TULP4: variants seen among roughly 807,000 people sequenced by gnomAD.
The protein encoded by TULP4 is TUB like protein 4, also known as tubby-related protein 4.
In TULP4, 16 loss-of-function variants were observed where a neutral mutation model predicts 129.0. The ratio of observed to expected loss-of-function variants is 0.12; its 90% CI spans 0.08 to 0.19. The LOEUF is 0.19. Ranked by LOEUF, TULP4 falls within the 10% of genes least tolerant of loss-of-function variation. The pLI, the probability that TULP4 is intolerant of heterozygous loss-of-function variation, is 1.00. For synonymous variants in TULP4, 998 were observed against 854.0 expected (o/e 1.17, Z -2.94); for missense variants, 1,842 against 2,059.1 (o/e 0.89, Z 2.04).
chr6:158,332,180 AAAAAAAAAAAAAAAAAAAAAATATAT>A lies in TULP4; in HGVS notation c.252+17914_252+17939del, dbSNP rs1344247071. Among the ~76,000 whole-genome samples, 240 of 87,842 alleles carry A rather than the reference AAAAAAAAAAAAAAAAAAAAAATATAT, an allele frequency of 2.7e-3. 3 individuals are homozygous for A. The highest frequency in any genetic ancestry group is 0.012 in the Middle Eastern group (2 of 170). The allele number at this position is 87,842 out of a possible 152,430, so 57.6% of individuals were successfully genotyped here. A position where few individuals can be genotyped will look rare whatever the true frequency, so the allele number is the denominator to read the frequency against. On this transcript the variant is annotated intron_variant, in intron 1 of 13. Coordinates refer to ENST00000367097, the MANE Select transcript of TULP4 (RefSeq NM_020245.5). ...GAGTAAGACTCTGTCAAAAAAAAAA[AAAAAAAAAAAAAAAAAAAAAATATAT>A]ATATATATATATATATATATATAAA...
intron 4 of TULP4, among the ~76,000 whole-genome samples, chr6:158,450,926 A>ATGG (rs1779150882): frequency 2.0e-5 from 3 of 152,090 alleles, no homozygotes; most frequent in Admixed American, 2.0e-4. Context: ...TTAGCCAAGC[A>ATGG]TGGTGGTGGG....
intron 1 of TULP4, among the ~76,000 whole-genome samples, chr6:158,317,465 C>T (rs1779517293): frequency 2.0e-5 from 3 of 148,644 alleles, no homozygotes; most frequent in East Asian, 4.0e-4. Context: ...TGGTTTCCAG[C>T]TTCATTCATG....
At chr6:158,240,707 C>T (rs1436075429) in intron 1 of TULP4, among the ~76,000 whole-genome samples, 2 of 125,030 alleles carry the variant, frequency 1.6e-5, no homozygotes, top group East Asian at 5.9e-4. Flanking sequence ...CTGACCCCCC[C>T]CACCTCCCTC....
intron 1 of TULP4, among the ~76,000 whole-genome samples, chr6:158,361,312 G>T (rs774794253): frequency 2.0e-4 from 30 of 152,176 alleles, no homozygotes; most frequent in Non-Finnish European, 4.1e-4. Flanking sequence ...AGTACCTCCA[G>T]ACCCACTGAT....
intron 1 of TULP4, among the ~76,000 whole-genome samples, chr6:158,253,126 C>CT (rs1380277883): frequency 1.3e-5 from 2 of 152,210 alleles, no homozygotes; most frequent in Non-Finnish European, 2.9e-5. Flanking sequence ...TCTTAATTCC[C>CT]TAAGATGTTT....
chr6:158,249,062 G>A (rs1583674198), intron 1 of TULP4, among the ~76,000 whole-genome samples: 1 of 148,328 alleles, frequency 6.7e-6, no homozygotes, highest in South Asian at 2.1e-4. Context: ...GGAGGTCAAG[G>A]CTGGGTGACA....
At chr6:158,421,796 G>A (rs1012200617) in intron 2 of TULP4, among the ~76,000 whole-genome samples, 4 of 152,074 alleles carry the variant, frequency 2.6e-5, no homozygotes, top group Non-Finnish European at 5.9e-5. Flanking sequence ...GTAATGTTAC[G>A]CCAGAGTGAG....
At chr6:158,333,895 A>G (rs1019101710) in intron 1 of TULP4, among the ~76,000 whole-genome samples, 2 of 152,202 alleles carry the variant, frequency 1.3e-5, no homozygotes, top group African/African-American at 4.8e-5. Context: ...GGAAATACAG[A>G]CAAACATAAA....
In TULP4 at chr6:158,502,810, C is replaced by G. The variant is rs371155122; in HGVS notation, c.3147C>G (p.Pro1049=). The stretch of plus-strand genomic sequence containing the variant: ...GTGGCACAGGGCCCAGCTCACAGCC[C>G]GGAGCCTCCCTGGCCCATACCGCCA... ...QCSGTGPSSQ[P]GASLAHTASA... The change falls in exon 13 of 14, where the codon CCC becomes CCG. Residue 1049 remains proline (P), a synonymous_variant. Transcript: ENST00000367097. 28 of 1,611,760 alleles carry G rather than the reference C, an allele frequency of 1.7e-5. No homozygotes were observed. Among genetic ancestry groups the G allele is most frequent in the Non-Finnish European group, 2.2e-5 (26 of 1,179,814 alleles).
chr6:158,327,231 AC>A (rs1181707459), intron 1 of TULP4, among the ~76,000 whole-genome samples: 1 of 152,218 alleles, frequency 6.6e-6, no homozygotes, highest in East Asian at 1.9e-4. Context: ...GACCTAAAAA[AC>A]ATTCAAAAGT....
upstream of TULP4, among the ~76,000 whole-genome samples, chr6:158,307,754 T>A (rs546629470): frequency 6.8e-4 from 104 of 152,328 alleles, no homozygotes; most frequent in African/African-American, 2.4e-3. Context: ...GTCTTGTACC[T>A]TGAATGGATC....
chr6:158,439,787 C>A (rs1329551792), intron 3 of TULP4, among the ~76,000 whole-genome samples: 2 of 133,660 alleles, frequency 1.5e-5, no homozygotes, highest in Non-Finnish European at 1.5e-5. Flanking sequence ...TCTCGGCTCA[C>A]TGCAAGCTCC....
intron 1 of TULP4, among the ~76,000 whole-genome samples, chr6:158,381,650 G>A (rs186365954): frequency 3.5e-4 from 54 of 152,298 alleles, no homozygotes; most frequent in African/African-American, 1.3e-3. Flanking sequence ...GTTTTAGAGT[G>A]TGGAGGAGAA....
At chr6:158,328,756 GT>G (rs1218635000) in intron 1 of TULP4, among the ~76,000 whole-genome samples, 1 of 65,944 alleles carries the variant, frequency 1.5e-5, no homozygotes, top group Non-Finnish European at 3.5e-5. Context: ...TGCCTAATCT[GT>G]AAGGCATTCT....
intron 1 of TULP4, among the ~76,000 whole-genome samples, chr6:158,317,899 T>G (rs1779526677): frequency 6.6e-6 from 1 of 152,250 alleles, no homozygotes; most frequent in African/African-American, 2.4e-5. Context: ...TGCATTTCTC[T>G]GATGACCAGT....
chr6:158,420,898 C>T (rs1015795528), intron 2 of TULP4, among the ~76,000 whole-genome samples: 1 of 152,184 alleles, frequency 6.6e-6, no homozygotes, highest in Non-Finnish European at 1.5e-5. Flanking sequence ...AACAAAGCGT[C>T]GAACTCTGTA....
chr6:158,412,946 C>G, intron 1 of TULP4, 119 bp from the exon 2 acceptor site: 1 of 1,386,778 alleles, frequency 7.2e-7, no homozygotes, highest in Admixed American at 2.6e-5. Context: ...TGCATTCGCC[C>G]CCAGTCTTCT....
intron 1 of TULP4, among the ~76,000 whole-genome samples, chr6:158,300,608 T>C (rs1779115382): frequency 6.6e-6 from 1 of 152,222 alleles, no homozygotes; most frequent in South Asian, 2.1e-4. Flanking sequence ...TTATTTGATA[T>C]GGAAGCCCCA....
intron 1 of TULP4, among the ~76,000 whole-genome samples, chr6:158,340,265 A>C (rs1034719535): frequency 1.2e-4 from 18 of 152,224 alleles, no homozygotes; most frequent in African/African-American, 4.3e-4. Context: ...AATGAACCTG[A>C]AATAGTAGTA....
Sources: gnomAD v4.1 joint callset for allele counts (sites outside exome capture counted in the v4.1 genomes callset) on GRCh38, gnomAD v4.1.1 for gene constraint, MANE v1.5 for transcripts, NCBI Gene and HGNC (gene_info 2026-07-23, HGNC 2026-07-21) for gene names.